Variants in PICALM observed in about 807,000 individuals in gnomAD.
PICALM encodes phosphatidylinositol binding clathrin assembly protein, also known as phosphatidylinositol-binding clathrin assembly protein.
Under a neutral mutation model 80.5 loss-of-function variants are expected in PICALM, and 40 were observed. The ratio of observed to expected loss-of-function variants is 0.50; its 90% CI spans 0.39 to 0.65. The LOEUF is 0.65. Ranked by LOEUF, PICALM falls within the 30% of genes least tolerant of loss-of-function variation. The pLI is 0.00. For missense variants in PICALM, 676 were observed against 778.9 expected, an observed-to-expected ratio of 0.87 and a Z score of 1.57; for synonymous variants, 288 against 260.3, an observed-to-expected ratio of 1.11 and a Z score of -1.02.
At chr11:85,962,462 C>T (rs1565193222) in intron 19 of PICALM, among the ~76,000 whole-genome samples, 1 of 152,200 alleles carries the variant, frequency 6.6e-6, no homozygotes, top group Non-Finnish European at 1.5e-5. Context: ...TCTTAAATCA[C>T]GTTTTCACCA....
intron 1 of PICALM, among the ~76,000 whole-genome samples, chr11:86,038,080 A>C (rs1048515709): frequency 6.6e-6 from 1 of 152,184 alleles, no homozygotes; most frequent in Non-Finnish European, 1.5e-5. Context: ...AACACTATGG[A>C]AAGTTGAGGC....
chr11:86,067,045 T>C (rs1337434433), intron 1 of PICALM, among the ~76,000 whole-genome samples: 3 of 152,266 alleles, frequency 2.0e-5, no homozygotes, highest in Non-Finnish European at 4.4e-5. Context: ...CAAGCACTAA[T>C]GCTTTTTTAT....
chr11:85,996,707 T>C, intron 12 of PICALM, 119 bp downstream of exon 12: 3 of 639,806 alleles, frequency 4.7e-6, no homozygotes, highest in Non-Finnish European at 8.3e-6. Flanking sequence ...TCATTGCCAT[T>C]TTAATACTTA....
At chr11:86,069,406 T>C (rs3016327), upstream of PICALM, 125,276 of 152,758 alleles carry the variant, frequency 0.82, 51,557 homozygotes, top group African/African-American at 0.89. Context: ...GCGAGGGCGG[T>C]GTGCTGGCGG....
chr11:86,017,222 C>CA (rs11326179), intron 4 of PICALM, among the ~76,000 whole-genome samples: 43 of 137,028 alleles, frequency 3.1e-4, no homozygotes, highest in East Asian at 1.1e-3. Flanking sequence ...GACTCTGTCT[C>CA]AAAAAAAAAA....
At chr11:85,978,766 A>C (rs1442872777) in intron 17 of PICALM, 1 of 152,214 alleles carries the variant, frequency 6.6e-6, no homozygotes, top group Non-Finnish European at 1.5e-5. Flanking sequence ...TACATGACTA[A>C]ATACCTACTA....
intron 19 of PICALM, among the ~76,000 whole-genome samples, chr11:85,970,151 A>G (rs1359530164): frequency 6.6e-6 from 1 of 152,256 alleles, no homozygotes; most frequent in Non-Finnish European, 1.5e-5. Flanking sequence ...GCTTGCCTTC[A>G]TGAAGCTTAT....
chr11:86,051,141 A>C (rs1304759892), intron 1 of PICALM, among the ~76,000 whole-genome samples: 1 of 152,228 alleles, frequency 6.6e-6, no homozygotes, highest in Non-Finnish European at 1.5e-5. Flanking sequence ...TCTGATGGAG[A>C]ATGAAGCAAA....
At chr11:86,023,852 G>T (rs1430646351) in intron 3 of PICALM, among the ~76,000 whole-genome samples, 2 of 152,168 alleles carry the variant, frequency 1.3e-5, no homozygotes, top group African/African-American at 4.8e-5. Context: ...AAGAGGCCAG[G>T]TGTGGTGGCT....
At chr11:86,049,368 T>A (rs2096137011) in intron 1 of PICALM, among the ~76,000 whole-genome samples, 1 of 152,192 alleles carries the variant, frequency 6.6e-6, no homozygotes, top group African/African-American at 2.4e-5. Context: ...TTAACTTATT[T>A]TATCTTTGAT....
intron 1 of PICALM, among the ~76,000 whole-genome samples, chr11:86,045,181 C>A (rs1347871085): frequency 6.6e-6 from 1 of 152,058 alleles, no homozygotes; most frequent in Non-Finnish European, 1.5e-5. Context: ...TAATAAATCA[C>A]TACAAAATAA....
chr11:86,052,391 T>C (rs1333289661), intron 1 of PICALM, among the ~76,000 whole-genome samples: 5 of 152,246 alleles, frequency 3.3e-5, no homozygotes, highest in Admixed American at 6.5e-5. Flanking sequence ...AATAGACTAA[T>C]ACACCAATTT....
chr11:86,003,892 C>G (rs1408135402), intron 8 of PICALM: 1 of 152,730 alleles, frequency 6.5e-6, no homozygotes, highest in Non-Finnish European at 1.5e-5. Context: ...ATGAAAATCA[C>G]AATGAGATAC....
At chr11:85,969,599 AAATT>A (rs1263440117) in intron 19 of PICALM, 2 of 353,658 alleles carry the variant, frequency 5.7e-6, no homozygotes, top group Non-Finnish European at 1.1e-5. Flanking sequence ...TCTACGGACA[AAATT>A]AATCCAAGAG....
At chr11:86,000,229 G>C (rs1052269385) in intron 11 of PICALM, among the ~76,000 whole-genome samples, 3 of 152,178 alleles carry the variant, frequency 2.0e-5, no homozygotes, top group Non-Finnish European at 4.4e-5. Context: ...CCAGATTACA[G>C]AGTTTAAAAC....
intron 4 of PICALM, 115 bp downstream of exon 4, chr11:86,022,252 A>C: frequency 3.2e-6 from 2 of 622,462 alleles, no homozygotes; most frequent in South Asian, 4.0e-5. Context: ...TCAAAGAAAA[A>C]TGAGGCTCAT....
chr11:85,976,756 C>A, intron 17 of PICALM, 74 bp from the exon 18 acceptor site: 1 of 836,218 alleles, frequency 1.2e-6, no homozygotes, highest in Non-Finnish European at 2.1e-6. Flanking sequence ...GAATTAGTAG[C>A]TGTAGTTCCA....
chr11:85,971,327 AG>A (rs1409576170), intron 19 of PICALM, among the ~76,000 whole-genome samples: 2 of 152,160 alleles, frequency 1.3e-5, no homozygotes, highest in Non-Finnish European at 2.9e-5. Context: ...AATTAAGAAA[AG>A]GTATTTCTGT....
intron 1 of PICALM, among the ~76,000 whole-genome samples, chr11:86,046,916 G>A (rs1453771663): frequency 6.6e-6 from 1 of 152,172 alleles, no homozygotes; most frequent in Non-Finnish European, 1.5e-5. Flanking sequence ...GGGATTACAG[G>A]CATGAGCCAC....
Sources: gnomAD v4.1 joint callset for allele counts (sites outside exome capture counted in the v4.1 genomes callset) on GRCh38, gnomAD v4.1.1 for gene constraint, MANE v1.5 for transcripts, NCBI Gene and HGNC (gene_info 2026-07-23, HGNC 2026-07-21) for gene names.